The following MYO9B variants were observed in gnomAD, a reference collection of about 807,000 sequenced individuals.
The protein encoded by MYO9B is unconventional myosin-IXb.
A neutral mutation model predicts 229.5 loss-of-function variants in MYO9B; 71 were observed. The ratio of observed to expected loss-of-function variants is 0.31; its 90% CI spans 0.26 to 0.38. The LOEUF (loss-of-function observed/expected upper bound fraction) is 0.38. MYO9B is among the 10% of genes least tolerant of loss of function. The pLI is 1.00. For synonymous variants in MYO9B, 1,185 were observed against 1,235.8 expected, an observed-to-expected ratio of 0.96 and a Z score of 0.86; for missense variants, 2,255 against 2,920.5, an observed-to-expected ratio of 0.77 and a Z score of 5.25.
chr19:17,158,152 C>T (rs143155716), intron 7 of MYO9B, among the ~76,000 whole-genome samples: 319 of 152,248 alleles, frequency 2.1e-3, no homozygotes, highest in African/African-American at 7.3e-3. Flanking sequence ...GCAGTGAGGC[C>T]GAGGAGCCCT....
chr19:17,174,962 AATT>A (rs2072769342), intron 13 of MYO9B, among the ~76,000 whole-genome samples: 3 of 151,764 alleles, frequency 2.0e-5, no homozygotes, highest in Admixed American at 6.6e-5. Context: ...ATAATAAATT[AATT>A]AATTAATTAA....
chr19:17,083,599 T>C (rs1353487580), intron 1 of MYO9B, among the ~76,000 whole-genome samples: 3 of 151,834 alleles, frequency 2.0e-5, no homozygotes, highest in Non-Finnish European at 4.4e-5. Flanking sequence ...TAAGTGACTT[T>C]GCGTCTGTCA....
rs2057999333 is a variant in MYO9B, at chr19:17,124,777, A to G, written c.841-20620A>G. Among the ~76,000 whole-genome samples the G allele has an allele frequency of 2.6e-5, 4 of 151,338 alleles. No homozygotes were observed. In the South Asian group the frequency reaches 8.3e-4, roughly 31 times the overall value. On this transcript the variant is annotated intron_variant, in intron 2 of 39. Transcript: ENST00000682292. The stretch of plus-strand genomic sequence containing the variant: ...TCTGTCTCAAAAAAAAAAAAAAAAA[A>G]AGGTACAAACAGACCAAAATTGCAG...
At chr19:17,209,263 T>G (rs1365549087) in intron 35 of MYO9B, among the ~76,000 whole-genome samples, 1 of 152,218 alleles carries the variant, frequency 6.6e-6, no homozygotes, top group African/African-American at 2.4e-5. Flanking sequence ...GCCATCTGCC[T>G]ATTGCCCCTG....
At chr19:17,208,960 C>T (rs2073194585) in intron 35 of MYO9B, among the ~76,000 whole-genome samples, 1 of 151,462 alleles carries the variant, frequency 6.6e-6, no homozygotes, top group South Asian at 2.1e-4. Flanking sequence ...AGGGCTGAGT[C>T]CCTCTGGCAC....
intron 2 of MYO9B, among the ~76,000 whole-genome samples, chr19:17,108,657 A>G (rs1247994379): frequency 6.6e-6 from 1 of 152,184 alleles, no homozygotes; most frequent in East Asian, 1.9e-4. Context: ...CATTGCAGCC[A>G]CTGAGCTTTT....
At chr19:17,147,387 T>C (rs183535250) in intron 3 of MYO9B, among the ~76,000 whole-genome samples, 208 of 151,824 alleles carry the variant, frequency 1.4e-3, no homozygotes, top group African/African-American at 4.0e-3. Flanking sequence ...CTACTAAAAA[T>C]ACAAAAATTA....
intron 15 of MYO9B, among the ~76,000 whole-genome samples, chr19:17,182,370 G>T (rs778119985): frequency 6.6e-6 from 1 of 152,080 alleles, no homozygotes; most frequent in African/African-American, 2.4e-5. Flanking sequence ...TTACAGGCAT[G>T]AGCCACCGCA....
intron 1 of MYO9B, among the ~76,000 whole-genome samples, chr19:17,086,333 C>T (rs2057582989): frequency 1.3e-5 from 2 of 152,328 alleles, no homozygotes; most frequent in South Asian, 4.1e-4. Flanking sequence ...CCATTCCCCG[C>T]CCTCGCCTGG....
intron 1 of MYO9B, among the ~76,000 whole-genome samples, chr19:17,087,686 T>A (rs1448121303): frequency 6.6e-6 from 1 of 151,584 alleles, no homozygotes; most frequent in Non-Finnish European, 1.5e-5. Flanking sequence ...TCACAATACT[T>A]TGGGAGGCCG....
intron 2 of MYO9B, among the ~76,000 whole-genome samples, chr19:17,129,320 C>T (rs1456929291): frequency 6.6e-6 from 1 of 152,100 alleles, no homozygotes; most frequent in South Asian, 2.1e-4. Context: ...GAGAATCACT[C>T]GAGCCCGGGA....
At chr19:17,210,669 C>A in intron 37 of MYO9B, 46 bp from the exon 38 acceptor site, 1 of 1,492,340 alleles carries the variant, frequency 6.7e-7, no homozygotes, top group South Asian at 1.4e-5. Flanking sequence ...GCAGTAACCT[C>A]GCCCACTCAG....
chr19:17,118,496 T>G (rs1319321529), intron 2 of MYO9B, among the ~76,000 whole-genome samples: 1 of 151,894 alleles, frequency 6.6e-6, no homozygotes, highest in East Asian at 1.9e-4. Context: ...ATTTTTATTT[T>G]TTTGAGACAG....
At chr19:17,117,880 G>A (rs1037575017) in intron 2 of MYO9B, among the ~76,000 whole-genome samples, 1 of 146,148 alleles carries the variant, frequency 6.8e-6, no homozygotes, top group African/African-American at 2.5e-5. Flanking sequence ...AGAAGTTGCA[G>A]TGAGCCAAGA....
At position 17,206,099 on chromosome 19, in the gene MYO9B, G is replaced by A. The variant is rs2073158093; in HGVS notation, c.5204G>A (p.Arg1735His). 6.2e-7 allele frequency: 1 copy of A among 1,607,162 alleles called. No individual in the cohort carries two copies. Among genetic ancestry groups the A allele is most frequent in the South Asian group, 1.1e-5 (1 of 90,912 alleles). ...MHGLYTEGLY[R>H]KSGAANRTRE... The stretch of plus-strand genomic sequence containing the variant: ...GGCCTGTACACCGAGGGCCTCTACC[G>A]CAAGTCGGGTGCTGCCAACCGCACT... The change falls in exon 32 of 40, where the codon CGC (arginine) becomes CAC (histidine). Residue 1735 changes from arginine to histidine, a missense_variant. Transcript: ENST00000682292.
intron 7 of MYO9B, among the ~76,000 whole-genome samples, chr19:17,158,244 G>A (rs1402447912): frequency 1.3e-5 from 2 of 152,122 alleles, no homozygotes; most frequent in African/African-American, 4.8e-5. Flanking sequence ...TTGAGTTCTT[G>A]GGGATATGTG....
rs748718291 is a variant in MYO9B at position 17,106,779 on chromosome 19, T to C, written c.840+4222T>C. Among the ~76,000 whole-genome samples, 85 of 152,172 alleles carry C rather than the reference T, an allele frequency of 5.6e-4. 1 individual carries two copies. Among genetic ancestry groups the C allele is most frequent in the Admixed American group, 1.3e-3 (20 of 15,280 alleles). ...CATCTCTACCAAAAAGTTTAAAAACTAGGCTGGGTGCAGTGGCTCATGCCT... is the reference window on the plus strand; with the variant it reads ...CATCTCTACCAAAAAGTTTAAAAACCAGGCTGGGTGCAGTGGCTCATGCCT... On this transcript the variant is annotated intron_variant, in intron 2 of 39. Coordinates refer to ENST00000682292, the MANE Select transcript of MYO9B (RefSeq NM_004145.4).
chr19:17,079,476 T>C (rs994104731), intron 1 of MYO9B, among the ~76,000 whole-genome samples: 1 of 152,206 alleles, frequency 6.6e-6, no homozygotes, highest in Admixed American at 6.5e-5. Context: ...TTGCTTTTCT[T>C]CTGAGATTAG....
rs1393658078 is a variant in MYO9B at position 17,172,948 on chromosome 19, G to A, written c.2125G>A (p.Ala709Thr). Residue 709 changes from alanine to threonine, a missense_variant, in exon 13 of 40, where the codon GCC (alanine) becomes ACC (threonine). By Grantham distance (58) the Ala-to-Thr change is moderately conservative (BLOSUM62 0). Coordinates refer to ENST00000682292, the MANE Select transcript of MYO9B (RefSeq NM_004145.4). The surrounding 1 kb of genome is among the most constrained non-coding windows in gnomAD (Gnocchi z 8.2). Reference protein sequence around the residue: ...REAGRLRAERAEKAAGMSSPG... With the variant: ...REAGRLRAERTEKAAGMSSPG... The stretch of plus-strand genomic sequence containing the variant: ...GGCCGGACGCCTGCGGGCCGAGAGG[G>A]CCGAAAAGGCTGCAGGTGGGAGCTG... 1.3e-6 allele frequency: 2 copies of A among 1,598,086 alleles called. No homozygotes were observed. Among genetic ancestry groups the A allele is most frequent in the Non-Finnish European group, 1.7e-6 (2 of 1,179,426 alleles).
Sources: gnomAD v4.1 joint callset for allele counts (sites outside exome capture counted in the v4.1 genomes callset) on GRCh38, gnomAD v4.1.1 for gene constraint, Gnocchi (gnomAD v3.1) non-coding constraint, MANE v1.5 for transcripts, NCBI Gene and HGNC (gene_info 2026-07-23, HGNC 2026-07-21) for gene names.